The following NEGR1 variants were observed in gnomAD, a reference collection of about 807,000 sequenced individuals.
NEGR1 encodes the protein IgLON family member 4.
A neutral mutation model predicts 40.9 loss-of-function variants in NEGR1; 10 were observed. The ratio of observed to expected loss-of-function variants is 0.24; its 90% CI spans 0.15 to 0.42. The LOEUF (loss-of-function observed/expected upper bound fraction) is 0.42. Among genes scored for constraint, NEGR1 ranks in the 10% least tolerant of loss-of-function variants. NEGR1 has a pLI of 1.00. For synonymous variants in NEGR1, 185 were observed against 166.8 expected, an observed-to-expected ratio of 1.11 and a Z score of -0.84; for missense variants, 352 against 438.9, an observed-to-expected ratio of 0.80 and a Z score of 1.77.
chr1:72,273,615 A>C (rs1655931830), intron 1 of NEGR1, among the ~76,000 whole-genome samples: 1 of 151,894 alleles, frequency 6.6e-6, no homozygotes, highest in Non-Finnish European at 1.5e-5. Context: ...AGTACACACA[A>C]AATAGAAGTT....
chr1:71,927,110 A>G (rs1298397097), intron 2 of NEGR1, among the ~76,000 whole-genome samples: 1 of 152,204 alleles, frequency 6.6e-6, no homozygotes, highest in Non-Finnish European at 1.5e-5. Context: ...AGCTAAACCC[A>G]TAACCTAATG....
chr1:72,006,552 A>G (rs61767475), intron 1 of NEGR1, among the ~76,000 whole-genome samples: 14,874 of 152,270 alleles, frequency 0.098, 813 homozygotes, highest in Middle Eastern at 0.18. Flanking sequence ...AAGAGGTGCC[A>G]CACTACAGAT....
At chr1:71,526,811 C>T (rs747996074) in intron 6 of NEGR1, among the ~76,000 whole-genome samples, 8 of 151,552 alleles carry the variant, frequency 5.3e-5, no homozygotes, top group Admixed American at 4.0e-4. Flanking sequence ...CCTATGCCTA[C>T]GGGTAAGTAG....
intron 6 of NEGR1, among the ~76,000 whole-genome samples, chr1:71,474,544 A>G (rs1026205579): frequency 2.0e-5 from 3 of 150,744 alleles, no homozygotes; most frequent in Non-Finnish European, 4.4e-5. Context: ...ACACACACAC[A>G]CACACACACA....
chr1:72,005,231 G>A (rs1013914394), intron 1 of NEGR1, among the ~76,000 whole-genome samples: 12 of 152,022 alleles, frequency 7.9e-5, no homozygotes, highest in African/African-American at 2.4e-5. Context: ...AGAACTAAGC[G>A]GGGATAGGGT....
chr1:71,878,859 A>C (rs949247447), intron 2 of NEGR1, among the ~76,000 whole-genome samples: 3 of 152,232 alleles, frequency 2.0e-5, no homozygotes, highest in Non-Finnish European at 4.4e-5. Flanking sequence ...TGGGTTGATG[A>C]AATAAATAAC....
chr1:71,461,233 A>G (rs917210661), intron 6 of NEGR1, among the ~76,000 whole-genome samples: 4 of 152,214 alleles, frequency 2.6e-5, no homozygotes, highest in African/African-American at 4.8e-5. Context: ...TAACAAAAAT[A>G]TCATGAAAAT....
intron 2 of NEGR1, among the ~76,000 whole-genome samples, chr1:71,781,002 G>GT (rs1333784758): frequency 6.6e-6 from 1 of 152,220 alleles, no homozygotes; most frequent in African/African-American, 2.4e-5. Context: ...ATTCTCCACT[G>GT]TTTGTACGAT....
At chr1:71,830,589 C>G (rs565911370) in intron 2 of NEGR1, among the ~76,000 whole-genome samples, 1 of 151,644 alleles carries the variant, frequency 6.6e-6, no homozygotes, top group East Asian at 2.0e-4. Flanking sequence ...ACTTACATAC[C>G]AGATATGTAA....
chr1:71,492,622 G>A (rs1044949498), intron 6 of NEGR1, among the ~76,000 whole-genome samples: 5 of 151,896 alleles, frequency 3.3e-5, no homozygotes, highest in South Asian at 2.1e-4. Flanking sequence ...TTATACACAC[G>A]GATTTGACTC....
intron 4 of NEGR1, among the ~76,000 whole-genome samples, chr1:71,640,306 C>A (rs1651306091): frequency 6.6e-6 from 1 of 152,018 alleles, no homozygotes; most frequent in Admixed American, 6.6e-5. Flanking sequence ...TGTAGAGACT[C>A]ATGGGACACA....
chr1:72,055,701 A>T (rs116161901), intron 1 of NEGR1, among the ~76,000 whole-genome samples: 1,609 of 150,312 alleles, frequency 0.011, 29 homozygotes, highest in African/African-American at 0.037. Flanking sequence ...AGCAATTCAG[A>T]TGTATTTGGA....
At chr1:71,787,775 T>G (rs1292684729) in intron 2 of NEGR1, among the ~76,000 whole-genome samples, 2 of 152,230 alleles carry the variant, frequency 1.3e-5, no homozygotes, top group Non-Finnish European at 2.9e-5. Flanking sequence ...TGCTGAAAGC[T>G]CTTCATGGTC....
At chr1:72,013,945 G>A (rs3102922) in intron 1 of NEGR1, among the ~76,000 whole-genome samples, 3 of 110,698 alleles carry the variant, frequency 2.7e-5, no homozygotes, top group African/African-American at 3.7e-5. Context: ...CAAGTCCCAA[G>A]AGATGCTCTG....
intron 2 of NEGR1, among the ~76,000 whole-genome samples, chr1:71,884,226 G>GT (rs1185011853): frequency 1.7e-4 from 26 of 151,680 alleles, no homozygotes; most frequent in Admixed American, 3.3e-4. Context: ...AATTGTGTTT[G>GT]TTTTTTTTCC....
intron 1 of NEGR1, among the ~76,000 whole-genome samples, chr1:72,127,463 CAAAAAAA>C (rs56301492): frequency 2.5e-5 from 1 of 39,292 alleles, no homozygotes; most frequent in African/African-American, 8.6e-5. Context: ...GGCTCTGTCT[CAAAAAAA>C]AAAAAAAAAA....
At chr1:71,936,718 G>A (rs959077726) in intron 1 of NEGR1, among the ~76,000 whole-genome samples, 4 of 152,270 alleles carry the variant, frequency 2.6e-5, no homozygotes, top group South Asian at 4.1e-4. Context: ...GATGACAAGC[G>A]TAATGACAAT....
intron 1 of NEGR1, among the ~76,000 whole-genome samples, chr1:72,107,741 T>C (rs921080568): frequency 6.6e-6 from 1 of 151,358 alleles, no homozygotes; most frequent in Non-Finnish European, 1.5e-5. Context: ...TACATATATA[T>C]GTATGTGTAT....
intron 1 of NEGR1, among the ~76,000 whole-genome samples, chr1:71,941,416 T>C (rs1645958318): frequency 6.6e-6 from 1 of 152,182 alleles, no homozygotes; most frequent in Admixed American, 6.5e-5. Context: ...TATACATAAA[T>C]TGTATGGTTA....
Sources: gnomAD v4.1 joint callset for allele counts (sites outside exome capture counted in the v4.1 genomes callset) on GRCh38, gnomAD v4.1.1 for gene constraint, MANE v1.5 for transcripts, NCBI Gene and HGNC (gene_info 2026-07-23, HGNC 2026-07-21) for gene names.